FAM3D: variants seen among roughly 807,000 people sequenced by gnomAD.
FAM3D encodes protein FAM3D.
FAM3D carries 26 observed loss-of-function variants against 29.8 expected under a neutral mutation model. The observed-to-expected ratio is 0.87, with a 90% CI of 0.64 to 1.21. The LOEUF is 1.21. Among genes scored for constraint, FAM3D ranks in the 50% most tolerant of loss-of-function variants. The pLI, the probability that FAM3D is intolerant of heterozygous loss-of-function variation, is 0.00. For synonymous variants in FAM3D, 115 were observed against 102.3 expected (o/e 1.12, Z -0.75); for missense variants, 253 against 290.9 (o/e 0.87, Z 0.95).
At position 58,634,310 on chromosome 3, in the gene FAM3D, A is replaced by G. The variant is rs1358968498; in HGVS notation, c.644T>C (p.Met215Thr). Residue 215 changes from methionine to threonine, a missense_variant, in exon 10 of 10, where the codon ATG becomes ACG. By Grantham distance (81) the Met-to-Thr change is moderately conservative. Coordinates refer to ENST00000358781, the MANE Select transcript of FAM3D (RefSeq NM_138805.3). The surrounding 1 kb of genome is among the most constrained non-coding windows in gnomAD (Gnocchi z 4.6). ...KYEGWPELLE[M>T]EGCMPPKPF The stretch of plus-strand genomic sequence containing the variant: ...TGGCTTCGGGGGCATGCAGCCCTCC[A>G]TCTCCAGCAGCTCTGGCCATCCCTC... 3.1e-6 allele frequency: 5 copies of G among 1,614,112 alleles called. No homozygotes were observed. The South Asian group carries it at 5.5e-5, about 18-fold the overall frequency.
At chr3:58,661,878 A>G (rs2066938052) in intron 1 of FAM3D, among the ~76,000 whole-genome samples, 1 of 152,218 alleles carries the variant, frequency 6.6e-6, no homozygotes, top group South Asian at 2.1e-4. Flanking sequence ...TCAAGGAGGC[A>G]GAAATAGGCT....
chr3:58,646,915 T>G (rs1036280184), intron 4 of FAM3D, among the ~76,000 whole-genome samples: 1 of 152,182 alleles, frequency 6.6e-6, no homozygotes, highest in African/African-American at 2.4e-5. Context: ...GTAGGGACCA[T>G]GAGGTTTCCA....
chr3:58,664,507 T>C (rs1183307176), intron 1 of FAM3D, among the ~76,000 whole-genome samples: 2 of 152,262 alleles, frequency 1.3e-5, no homozygotes, highest in Non-Finnish European at 2.9e-5. Context: ...GTGCACCTAC[T>C]ACGTGGCAAG....
chr3:58,664,416 T>A (rs572062204), intron 1 of FAM3D, among the ~76,000 whole-genome samples: 24 of 80,916 alleles, frequency 3.0e-4, no homozygotes, highest in African/African-American at 5.3e-4. Flanking sequence ...CAGTGTCTAA[T>A]CATTTCTGAA....
chr3:58,636,304 G>A lies in FAM3D; in HGVS notation c.575C>T (p.Pro192Leu). The change falls in exon 9 of 10, where the codon CCC (proline) becomes CTC (leucine). Residue 192 changes from proline (P) to leucine (L), a missense_variant. By Grantham distance (98) the Pro-to-Leu change is moderately conservative. Coordinates refer to ENST00000358781, the MANE Select transcript of FAM3D (RefSeq NM_138805.3). Reference protein sequence around the residue: ...IGAKDLRGKSPFEQFLKNSPD... With the variant: ...IGAKDLRGKSLFEQFLKNSPD... Reference sequence around the variant, plus strand: ...TGGCCCAGAACCCACCTGCTCAAAGGGGCTTTTACCCCTGAGGTCTTTGGC... The same window carrying A: ...TGGCCCAGAACCCACCTGCTCAAAGAGGCTTTTACCCCTGAGGTCTTTGGC... The A allele has an allele frequency of 6.2e-7, 1 of 1,613,988 alleles. No homozygotes were observed. Among genetic ancestry groups the A allele is most frequent in the Non-Finnish European group, 8.5e-7 (1 of 1,179,998 alleles).
At chr3:58,638,531 A>T (rs1277834150) in intron 7 of FAM3D, among the ~76,000 whole-genome samples, 2 of 152,244 alleles carry the variant, frequency 1.3e-5, no homozygotes, top group African/African-American at 4.8e-5. Context: ...TATTAGCAGG[A>T]TTGGCAGCAT....
At chr3:58,640,092 C>T (rs1337548183) in intron 7 of FAM3D, 35 bp downstream of exon 7, 1 of 1,612,972 alleles carries the variant, frequency 6.2e-7, no homozygotes, top group Admixed American at 1.7e-5. Flanking sequence ...CACCGCACCC[C>T]CGACTGTGAC....
chr3:58,660,722 A>G lies in FAM3D; in HGVS notation c.-38-5121T>C, dbSNP rs561226466. Reference sequence around the variant, plus strand: ...GCAAGAAGACACGAAAATGTGCAGGATTTTTAGGGTTTTTACTCCTCAAGT... The same window carrying G: ...GCAAGAAGACACGAAAATGTGCAGGGTTTTTAGGGTTTTTACTCCTCAAGT... On this transcript the variant is annotated intron_variant, in intron 1 of 9. Transcript: ENST00000358781. 2.0e-5 allele frequency among the ~76,000 whole-genome samples: 3 copies of G among 152,248 alleles called. No homozygotes were observed. The East Asian group carries it at 5.8e-4, about 29-fold the overall frequency.
At chr3:58,652,870 A>T (rs1277733943) in intron 3 of FAM3D, among the ~76,000 whole-genome samples, 1 of 148,460 alleles carries the variant, frequency 6.7e-6, no homozygotes, top group Admixed American at 6.7e-5. Flanking sequence ...CTGTCCATCC[A>T]TCCATCCATC....
intron 3 of FAM3D, among the ~76,000 whole-genome samples, chr3:58,652,944 C>G (rs910667974): frequency 6.7e-6 from 1 of 150,308 alleles, no homozygotes; most frequent in Non-Finnish European, 1.5e-5. Flanking sequence ...AACTACCCAT[C>G]CATCCACCCA....
chr3:58,652,366 C>T (rs1240133685), intron 3 of FAM3D, among the ~76,000 whole-genome samples: 1 of 102,536 alleles, frequency 9.8e-6, no homozygotes, highest in Non-Finnish European at 2.2e-5. Flanking sequence ...ATCCTTCCAC[C>T]TGTCCATCCA....
At position 58,653,590 on chromosome 3, in the gene FAM3D, T is replaced by C. The variant is rs1382691301; in HGVS notation, c.121+84A>G. 6 of 1,290,236 alleles carry C rather than the reference T, an allele frequency of 4.7e-6. No homozygotes were observed. In the African/African-American group the frequency reaches 8.7e-5, roughly 19 times the overall value. The allele number at this position is 1,290,236 out of a possible 1,614,324, so 79.9% of individuals were successfully genotyped here. On this transcript the variant is annotated intron_variant, in intron 3 of 9. Coordinates refer to ENST00000358781, the MANE Select transcript of FAM3D (RefSeq NM_138805.3). The stretch of plus-strand genomic sequence containing the variant: ...AGCACAGCTTGTCATGTCTCCTGGG[T>C]CACCTAGGGATGGAGGGAAGAATAT...
chr3:58,640,041 G>C, intron 7 of FAM3D, 86 bp downstream of exon 7: 2 of 1,454,862 alleles, frequency 1.4e-6, no homozygotes, highest in South Asian at 1.1e-5. Context: ...GGTACCTCGA[G>C]CCACCAGGTC....
chr3:58,647,447 G>T (rs886099187), intron 4 of FAM3D, among the ~76,000 whole-genome samples: 1 of 152,178 alleles, frequency 6.6e-6, no homozygotes, highest in Non-Finnish European at 1.5e-5. Context: ...TACAGCCTTG[G>T]GGCCCCACCT....
rs2066490581 is a variant in FAM3D at position 58,646,643 on chromosome 3, GGGCAGCCTTTC to G, written c.146-1028_146-1018del. On this transcript the variant is annotated intron_variant, in intron 4 of 9. Transcript: ENST00000358781. Reference sequence around the variant, plus strand: ...CATCTGCAAAGGGAAAACGGGGGTTGGGCAGCCTTTCCCTCCCCAGCCCCTGTGCCAGGCAT... The same window carrying G: ...CATCTGCAAAGGGAAAACGGGGGTTGCCTCCCCAGCCCCTGTGCCAGGCAT... Among the ~76,000 whole-genome samples the G allele has an allele frequency of 3.3e-5, 5 of 152,238 alleles. No homozygotes were observed. In the South Asian group the frequency reaches 1.0e-3, roughly 31 times the overall value.
rs1333086232 is a variant in FAM3D, at chr3:58,659,936, CAG to C, written c.-38-4337_-38-4336del. On this transcript the variant is annotated intron_variant, in intron 1 of 9. Transcript: ENST00000358781. ...TCATTATCCCGGGAAATTCTGCAGACAGAGTGTGGTCACCAGAGGCAGAGGGG... is the reference window on the plus strand; with the variant it reads ...TCATTATCCCGGGAAATTCTGCAGACAGTGTGGTCACCAGAGGCAGAGGGG... 7.9e-5 allele frequency among the ~76,000 whole-genome samples: 12 copies of C among 152,338 alleles called. No homozygotes were observed. The East Asian group carries it at 2.3e-3, about 29-fold the overall frequency.
intron 1 of FAM3D, among the ~76,000 whole-genome samples, chr3:58,664,948 AG>A (rs1225160753): frequency 1.3e-5 from 2 of 152,148 alleles, no homozygotes; most frequent in Non-Finnish European, 2.9e-5. Flanking sequence ...GTCTCCTCCA[AG>A]GGGGAGCAGC....
rs528747591 is a variant in FAM3D at position 58,639,763 on chromosome 3, C to T, written c.373+364G>A. Among the ~76,000 whole-genome samples, 6 of 152,298 alleles carry T rather than the reference C, an allele frequency of 3.9e-5. No homozygotes were observed. The South Asian group carries it at 1.0e-3, about 26-fold the overall frequency. On this transcript the variant is annotated intron_variant, in intron 7 of 9. Transcript: ENST00000358781. ...CCAGGTCAGCACACTCCTAGCTCTG[C>T]GGACTGCTCACCCATGAGTTGGGAT...
chr3:58,657,005 C>T (rs2066823345), intron 1 of FAM3D, among the ~76,000 whole-genome samples: 1 of 152,210 alleles, frequency 6.6e-6, no homozygotes, highest in Non-Finnish European at 1.5e-5. Context: ...CCTCTAGGGC[C>T]TTCCAGATTA....
Sources: gnomAD v4.1 joint callset for allele counts (sites outside exome capture counted in the v4.1 genomes callset) on GRCh38, gnomAD v4.1.1 for gene constraint, Gnocchi (gnomAD v3.1) non-coding constraint, MANE v1.5 for transcripts, NCBI Gene and HGNC (gene_info 2026-07-23, HGNC 2026-07-21) for gene names.